YEATS4: variants seen among roughly 807,000 people sequenced by gnomAD.
The protein encoded by YEATS4 is YEATS domain-containing protein 4.
Under a neutral mutation model 30.1 loss-of-function variants are expected in YEATS4, and 17 were observed. That is an observed-to-expected ratio of 0.56 (90% CI 0.39 to 0.85). The LOEUF is 0.85. YEATS4 is among the 40% of genes least tolerant of loss of function. The probability of loss-of-function intolerance (pLI) is 0.00; values close to 1 mark genes in which losing one functional copy is unlikely to be tolerated. For synonymous variants in YEATS4, 85 were observed against 87.5 expected (o/e 0.97, Z 0.16); for missense variants, 142 against 268.3 (o/e 0.53, Z 3.29).
At chr12:69,363,284 C>T (rs761985470) in intron 2 of YEATS4, among the ~76,000 whole-genome samples, 6 of 151,896 alleles carry the variant, frequency 4.0e-5, no homozygotes, top group African/African-American at 4.8e-5. Context: ...TGAGCCACCG[C>T]GCCCGGCCGA....
At chr12:69,391,247 T>G (rs1275977140), downstream of YEATS4, among the ~76,000 whole-genome samples, 2 of 150,184 alleles carry the variant, frequency 1.3e-5, no homozygotes, top group Non-Finnish European at 2.9e-5. Flanking sequence ...TGAGCTGAGA[T>G]CACGCCACTG....
chr12:69,406,755 A>G, the YEATS4 span, among the ~76,000 whole-genome samples: 1 of 152,148 alleles, frequency 6.6e-6, no homozygotes, highest in African/African-American at 2.4e-5. Context: ...CCATTCTATG[A>G]TTATACCATA....
At chr12:69,360,129 C>T in intron 1 of YEATS4, 106 bp downstream of exon 1, 2 of 1,272,550 alleles carry the variant, frequency 1.6e-6, no homozygotes, top group Non-Finnish European at 2.1e-6. Context: ...CTTTTCTCCT[C>T]GGGTTTGAAC....
the YEATS4 span, among the ~76,000 whole-genome samples, chr12:69,405,994 C>A: frequency 7.9e-5 from 12 of 152,310 alleles, no homozygotes; most frequent in African/African-American, 2.9e-4. Flanking sequence ...CATTTAAAAC[C>A]TGCCTATGTT....
At chr12:69,369,660 T>C (rs1238946480) in intron 4 of YEATS4, among the ~76,000 whole-genome samples, 1 of 152,248 alleles carries the variant, frequency 6.6e-6, no homozygotes, top group Non-Finnish European at 1.5e-5. Flanking sequence ...CTTGGTAGAC[T>C]CATCTGCTTT....
At chr12:69,412,692 G>A in the YEATS4 span, among the ~76,000 whole-genome samples, 1 of 152,002 alleles carries the variant, frequency 6.6e-6, no homozygotes, top group African/African-American at 2.4e-5. Context: ...AAAAATAAAG[G>A]CGAGGAAAGT....
the YEATS4 span, among the ~76,000 whole-genome samples, chr12:69,415,927 A>G: frequency 6.6e-6 from 1 of 152,252 alleles, no homozygotes; most frequent in African/African-American, 2.4e-5. Context: ...CTCACTCTGA[A>G]GAATTCCTGT....
chr12:69,408,266 TG>T, the YEATS4 span, among the ~76,000 whole-genome samples: 2 of 151,740 alleles, frequency 1.3e-5, no homozygotes, highest in Non-Finnish European at 2.9e-5. Context: ...AGGAGAGTGT[TG>T]ATCTAGTGCT....
chr12:69,408,338 T>C, the YEATS4 span, among the ~76,000 whole-genome samples: 254 of 152,344 alleles, frequency 1.7e-3, no homozygotes, highest in African/African-American at 5.8e-3. Flanking sequence ...GATGAGTGAA[T>C]TCAGTGTGGA....
chr12:69,406,921 C>T, the YEATS4 span, among the ~76,000 whole-genome samples: 1 of 151,878 alleles, frequency 6.6e-6, no homozygotes, highest in Non-Finnish European at 1.5e-5. Context: ...CTCAAGTGAT[C>T]CTCCTGCCTT....
downstream of YEATS4, among the ~76,000 whole-genome samples, chr12:69,391,476 G>A (rs573216904): frequency 5.3e-5 from 8 of 152,134 alleles, no homozygotes; most frequent in East Asian, 1.9e-4. Context: ...ATCTTTAAAG[G>A]TATGTTGGCT....
intron 2 of YEATS4, chr12:69,364,235 T>G (rs1875342371): frequency 2.3e-6 from 1 of 439,758 alleles, no homozygotes; most frequent in Non-Finnish European, 4.5e-6. Flanking sequence ...GGAGGATCGC[T>G]TGAGCCCAGG....
the YEATS4 span, among the ~76,000 whole-genome samples, chr12:69,410,809 A>T: frequency 0.052 from 7,929 of 152,248 alleles, 693 homozygotes; most frequent in African/African-American, 0.18. Flanking sequence ...TCAAGACCAC[A>T]TGCACAGGGC....
At chr12:69,376,331 A>G (rs998927096) in intron 6 of YEATS4, among the ~76,000 whole-genome samples, 3 of 152,218 alleles carry the variant, frequency 2.0e-5, no homozygotes, top group African/African-American at 4.8e-5. Flanking sequence ...GTGTCACTGC[A>G]CTCCAGCCTA....
the YEATS4 span, among the ~76,000 whole-genome samples, chr12:69,420,420 A>C: frequency 6.6e-6 from 1 of 152,114 alleles, no homozygotes; most frequent in Admixed American, 6.5e-5. Context: ...GGAGGGGGAC[A>C]GAGGCAAGAT....
chr12:69,387,646 T>C (rs898498363), intron 6 of YEATS4, among the ~76,000 whole-genome samples: 3 of 152,196 alleles, frequency 2.0e-5, no homozygotes, highest in Non-Finnish European at 4.4e-5. Flanking sequence ...CTTCCAGATA[T>C]AATGTTAAGT....
the YEATS4 span, among the ~76,000 whole-genome samples, chr12:69,414,018 T>C: frequency 6.6e-6 from 1 of 152,092 alleles, no homozygotes; most frequent in Non-Finnish European, 1.5e-5. Context: ...TGAATCCTGC[T>C]CTCCCATTTG....
intron 2 of YEATS4, among the ~76,000 whole-genome samples, chr12:69,364,999 G>T (rs1260636019): frequency 6.6e-6 from 1 of 151,984 alleles, no homozygotes; most frequent in East Asian, 1.9e-4. Context: ...ATGTACTGTT[G>T]TTTTAATGGA....
chr12:69,382,788 T>C (rs1876129296), intron 6 of YEATS4, among the ~76,000 whole-genome samples: 1 of 152,208 alleles, frequency 6.6e-6, no homozygotes, highest in African/African-American at 2.4e-5. Context: ...GACATTAGAT[T>C]TTGGACCTGA....
Sources: allele counts gnomAD v4.1 joint callset (sites outside exome capture counted in the v4.1 genomes callset), GRCh38; gene constraint gnomAD v4.1.1; transcripts MANE v1.5; gene names NCBI Gene and HGNC (gene_info 2026-07-23, HGNC 2026-07-21).